Variants in CERS6 observed in about 807,000 individuals in gnomAD.
The protein encoded by CERS6 is LAG1 homolog, ceramide synthase 6.
CERS6 carries 26 observed loss-of-function variants against 56.8 expected under a neutral mutation model. That is an observed-to-expected ratio of 0.46 (90% CI 0.34 to 0.63). The LOEUF is 0.63. Ranked by LOEUF, CERS6 falls within the 30% of genes least tolerant of loss-of-function variation. The probability of loss-of-function intolerance (pLI) is 0.01; values close to 1 mark genes in which losing one functional copy is unlikely to be tolerated. For missense variants in CERS6, 415 were observed against 467.5 expected, an observed-to-expected ratio of 0.89 and a Z score of 1.04; for synonymous variants, 164 against 173.3, an observed-to-expected ratio of 0.95 and a Z score of 0.42.
chr2:168,682,074 T>C (rs368139687), intron 4 of CERS6, among the ~76,000 whole-genome samples: 2 of 152,208 alleles, frequency 1.3e-5, no homozygotes, highest in East Asian at 3.9e-4. Context: ...AGTGCTACAA[T>C]AAACATGGGA....
At chr2:168,549,704 C>T (rs940853837) in intron 2 of CERS6, among the ~76,000 whole-genome samples, 1 of 152,150 alleles carries the variant, frequency 6.6e-6, no homozygotes, top group Non-Finnish European at 1.5e-5. Flanking sequence ...TTTTAGTTTC[C>T]AAGGTGATTC....
intron 4 of CERS6, among the ~76,000 whole-genome samples, chr2:168,676,748 C>T (rs377752533): frequency 9.2e-5 from 14 of 152,196 alleles, no homozygotes; most frequent in Non-Finnish European, 1.6e-4. Context: ...TTTCTTCCCG[C>T]CTTTTTGCCC....
At chr2:168,492,724 C>G (rs1167297498) in intron 1 of CERS6, among the ~76,000 whole-genome samples, 1 of 152,098 alleles carries the variant, frequency 6.6e-6, no homozygotes, top group African/African-American at 2.4e-5. Context: ...CTTAGGCTTT[C>G]TTCTAAGATT....
intron 4 of CERS6, among the ~76,000 whole-genome samples, chr2:168,646,145 G>A (rs1458557157): frequency 2.0e-5 from 3 of 152,152 alleles, no homozygotes; most frequent in African/African-American, 4.8e-5. Context: ...TAACTAATTT[G>A]CACTCCCATC....
chr2:168,540,250 T>C (rs1243949646), intron 1 of CERS6, among the ~76,000 whole-genome samples: 15 of 151,992 alleles, frequency 9.9e-5, no homozygotes, highest in Admixed American at 9.8e-4. Flanking sequence ...ACATATACAA[T>C]AGTGGTCCTA....
intron 1 of CERS6, among the ~76,000 whole-genome samples, chr2:168,490,031 C>T (rs947810301): frequency 3.3e-5 from 5 of 152,146 alleles, no homozygotes; most frequent in African/African-American, 9.7e-5. Context: ...TTCTGTCTCA[C>T]CTTCTTGTGG....
intron 1 of CERS6, among the ~76,000 whole-genome samples, chr2:168,478,362 T>C (rs538390234): frequency 6.6e-6 from 1 of 152,180 alleles, no homozygotes; most frequent in Non-Finnish European, 1.5e-5. Flanking sequence ...AGCAGTCACC[T>C]GGTTTCGGGG....
chr2:168,481,276 G>A (rs1268947704), intron 1 of CERS6, among the ~76,000 whole-genome samples: 1 of 152,166 alleles, frequency 6.6e-6, no homozygotes, highest in Non-Finnish European at 1.5e-5. Flanking sequence ...TTTGTCAGGC[G>A]TGGTGGCTGG....
At chr2:168,600,178 A>G (rs1307834415) in intron 3 of CERS6, among the ~76,000 whole-genome samples, 1 of 139,572 alleles carries the variant, frequency 7.2e-6, no homozygotes, top group South Asian at 2.5e-4. Flanking sequence ...ATTATGCTGT[A>G]AACTACCATA....
intron 8 of CERS6, among the ~76,000 whole-genome samples, chr2:168,761,358 G>A (rs1340413891): frequency 2.0e-5 from 3 of 152,190 alleles, no homozygotes; most frequent in Non-Finnish European, 4.4e-5. Flanking sequence ...CGACTGTTCT[G>A]ACATCCTGTT....
At chr2:168,674,272 A>G (rs1030158719) in intron 4 of CERS6, among the ~76,000 whole-genome samples, 2 of 152,200 alleles carry the variant, frequency 1.3e-5, no homozygotes, top group African/African-American at 4.8e-5. Context: ...ACATAAATTC[A>G]TTTTTAAAAA....
chr2:168,602,952 T>C (rs768918922), intron 3 of CERS6, among the ~76,000 whole-genome samples: 1 of 152,214 alleles, frequency 6.6e-6, no homozygotes, highest in African/African-American at 2.4e-5. Context: ...AGCTAATTTG[T>C]TCCATGAACT....
chr2:168,478,089 G>C (rs1303511656), intron 1 of CERS6, among the ~76,000 whole-genome samples: 2 of 6,390 alleles, frequency 3.1e-4, no homozygotes, highest in Non-Finnish European at 1.1e-3. Flanking sequence ...GATCATTCAG[G>C]GTTTTTTTTT....
chr2:168,610,566 A>G (rs1869373), intron 3 of CERS6, among the ~76,000 whole-genome samples: 2,596 of 152,336 alleles, frequency 0.017, 102 homozygotes, highest in East Asian at 0.16. Flanking sequence ...GCAAAAGTTC[A>G]TTAGATTATT....
At chr2:168,465,115 G>T (rs550220124) in intron 1 of CERS6, among the ~76,000 whole-genome samples, 7 of 152,344 alleles carry the variant, frequency 4.6e-5, no homozygotes, top group Non-Finnish European at 7.3e-5. Flanking sequence ...CAAAAGGTGG[G>T]AGCAACCAAA....
At chr2:168,555,457 G>A (rs1695657917) in intron 2 of CERS6, among the ~76,000 whole-genome samples, 1 of 151,802 alleles carries the variant, frequency 6.6e-6, no homozygotes, top group African/African-American at 2.4e-5. Context: ...ATAAGCAGAA[G>A]GAAGAAAGTA....
At chr2:168,686,616 G>A (rs1232493164) in intron 4 of CERS6, among the ~76,000 whole-genome samples, 1 of 152,064 alleles carries the variant, frequency 6.6e-6, no homozygotes, top group Non-Finnish European at 1.5e-5. Context: ...GTGTTTCTAG[G>A]TAATAGCTCA....
At chr2:168,767,574 C>T (rs142722430) in intron 9 of CERS6, among the ~76,000 whole-genome samples, 2 of 152,118 alleles carry the variant, frequency 1.3e-5, no homozygotes, top group Non-Finnish European at 2.9e-5. Flanking sequence ...CCCATCTCAA[C>T]GGGTATTGGA....
At chr2:168,697,088 A>C (rs1485426703) in intron 6 of CERS6, among the ~76,000 whole-genome samples, 3 of 152,086 alleles carry the variant, frequency 2.0e-5, no homozygotes, top group Non-Finnish European at 4.4e-5. Flanking sequence ...ACTACTACCC[A>C]AGTCCCCTGT....
Sources: allele counts gnomAD v4.1 joint callset (sites outside exome capture counted in the v4.1 genomes callset), GRCh38; gene constraint gnomAD v4.1.1; transcripts MANE v1.5; gene names NCBI Gene and HGNC (gene_info 2026-07-23, HGNC 2026-07-21).